The following GULP1 variants were observed in gnomAD, a reference collection of about 807,000 sequenced individuals.
GULP1 encodes the protein PTB domain-containing engulfment adapter protein 1.
GULP1 carries 19 observed loss-of-function variants against 40.9 expected under a neutral mutation model. The observed-to-expected ratio is 0.46, with a 90% CI of 0.32 to 0.68. The LOEUF is 0.68. Ranked by LOEUF, GULP1 falls within the 30% of genes least tolerant of loss-of-function variation. The probability of loss-of-function intolerance (pLI) is 0.03; values close to 1 mark genes in which losing one functional copy is unlikely to be tolerated. For missense variants in GULP1, 312 were observed against 362.2 expected (o/e 0.86, Z 1.12); for synonymous variants, 119 against 117.6 (o/e 1.01, Z -0.08).
intron 2 of GULP1, among the ~76,000 whole-genome samples, chr2:188,443,433 A>G (rs1486483887): frequency 6.6e-6 from 1 of 152,210 alleles, no homozygotes; most frequent in African/African-American, 2.4e-5. Context: ...AGGACTCCCT[A>G]TGGTATTTAA....
intron 2 of GULP1, among the ~76,000 whole-genome samples, chr2:188,422,926 G>A (rs917479983): frequency 7.9e-5 from 12 of 151,950 alleles, no homozygotes; most frequent in Non-Finnish European, 1.6e-4. Flanking sequence ...CTGCTCTTTC[G>A]GTTTCCAGAT....
At chr2:188,532,282 C>T (rs1687748293) in intron 6 of GULP1, among the ~76,000 whole-genome samples, 1 of 152,016 alleles carries the variant, frequency 6.6e-6, no homozygotes, top group Admixed American at 6.6e-5. Flanking sequence ...TAAATATTTA[C>T]AAAATACAAA....
chr2:188,325,340 C>T (rs1365492620), intron 1 of GULP1, among the ~76,000 whole-genome samples: 1 of 151,860 alleles, frequency 6.6e-6, no homozygotes, highest in Non-Finnish European at 1.5e-5. Context: ...TTTGAATATA[C>T]CAGAGTTATT....
chr2:188,472,180 T>C (rs1453014967), intron 2 of GULP1, among the ~76,000 whole-genome samples: 1 of 152,166 alleles, frequency 6.6e-6, no homozygotes, highest in African/African-American at 2.4e-5. Flanking sequence ...ATTTCCTTTC[T>C]TTTGTTGATT....
intron 2 of GULP1, among the ~76,000 whole-genome samples, chr2:188,394,512 T>G (rs2152565565): frequency 6.6e-6 from 1 of 152,274 alleles, no homozygotes; most frequent in African/African-American, 2.4e-5. Flanking sequence ...ATTTTGAATT[T>G]TTTATTTGGT....
At chr2:188,417,376 T>C (rs2054721328) in intron 2 of GULP1, among the ~76,000 whole-genome samples, 1 of 152,208 alleles carries the variant, frequency 6.6e-6, no homozygotes, top group Non-Finnish European at 1.5e-5. Context: ...GCAGAAGTTG[T>C]CTACCTATTC....
Position 188,531,946 on chromosome 2 carries a change from G to A in GULP1, c.261+2751G>A, listed in dbSNP as rs188507374. Among the ~76,000 whole-genome samples the A allele has an allele frequency of 2.8e-3, 425 of 152,264 alleles. 2 individuals are homozygous for A. Among genetic ancestry groups the A allele is most frequent in the African/African-American group, 9.8e-3 (409 of 41,566 alleles). ...GGTATTTGTAGGCCATGCTTATGTTGAAAGTTTTTTTCTACACCATATGAA... is the reference window on the plus strand; with the variant it reads ...GGTATTTGTAGGCCATGCTTATGTTAAAAGTTTTTTTCTACACCATATGAA... On this transcript the variant is annotated intron_variant, in intron 6 of 11. Coordinates refer to ENST00000409830, the MANE Select transcript of GULP1 (RefSeq NM_016315.4).
chr2:188,534,680 A>G (rs992548783), intron 6 of GULP1, among the ~76,000 whole-genome samples: 5 of 152,162 alleles, frequency 3.3e-5, no homozygotes, highest in African/African-American at 1.2e-4. Flanking sequence ...ACAAAACAAA[A>G]CAAAACAAAC....
chr2:188,444,430 C>T (rs143644498), intron 2 of GULP1, among the ~76,000 whole-genome samples: 5 of 152,214 alleles, frequency 3.3e-5, no homozygotes, highest in African/African-American at 1.2e-4. Context: ...ACAAATTATA[C>T]GACACTGGTC....
intron 2 of GULP1, among the ~76,000 whole-genome samples, chr2:188,417,529 G>C (rs896421559): frequency 6.6e-6 from 1 of 152,160 alleles, no homozygotes; most frequent in African/African-American, 2.4e-5. Flanking sequence ...AGAATGTCTA[G>C]AAAAGTGGTT....
At chr2:188,440,899 A>G (rs1332579035) in intron 2 of GULP1, among the ~76,000 whole-genome samples, 4 of 152,220 alleles carry the variant, frequency 2.6e-5, no homozygotes, top group African/African-American at 9.6e-5. Context: ...AATAAATCTT[A>G]TTAGTCAGTC....
At chr2:188,471,962 T>G (rs943131942) in intron 2 of GULP1, among the ~76,000 whole-genome samples, 2 of 152,236 alleles carry the variant, frequency 1.3e-5, no homozygotes, top group African/African-American at 4.8e-5. Context: ...CTCGTGTTGA[T>G]GAAATAACTC....
intron 1 of GULP1, among the ~76,000 whole-genome samples, chr2:188,307,614 C>T (rs1269683847): frequency 1.3e-5 from 2 of 152,106 alleles, no homozygotes; most frequent in Non-Finnish European, 2.9e-5. Flanking sequence ...TGTTGAAACA[C>T]ATTTAAGAAT....
At chr2:188,582,327 T>A (rs1234575255) in intron 9 of GULP1, 9 of 469,916 alleles carry the variant, frequency 1.9e-5, no homozygotes, top group Middle Eastern at 6.5e-4. Flanking sequence ...TCTTTTTCTG[T>A]CATTCCTTTA....
At chr2:188,315,649 A>G (rs2038953219) in intron 1 of GULP1, among the ~76,000 whole-genome samples, 1 of 152,136 alleles carries the variant, frequency 6.6e-6, no homozygotes, top group South Asian at 2.1e-4. Flanking sequence ...ACACGTTCCA[A>G]GATCCTCAGT....
intron 2 of GULP1, among the ~76,000 whole-genome samples, chr2:188,458,363 A>G (rs903708831): frequency 2.0e-5 from 3 of 152,098 alleles, no homozygotes; most frequent in African/African-American, 2.4e-5. Context: ...GTCTTAGTCT[A>G]TCTCACCCTC....
intron 2 of GULP1, among the ~76,000 whole-genome samples, chr2:188,441,070 C>A (rs962433912): frequency 1.0e-4 from 5 of 48,206 alleles, no homozygotes; most frequent in African/African-American, 4.0e-4. Context: ...TCTGCCGGGC[C>A]AGGTAGATAG....
intron 2 of GULP1, among the ~76,000 whole-genome samples, chr2:188,430,838 T>C (rs1239158638): frequency 6.6e-6 from 1 of 152,190 alleles, no homozygotes; most frequent in Non-Finnish European, 1.5e-5. Context: ...ATCTTCCTTG[T>C]TGGACTGTAG....
chr2:188,422,900 A>G (rs2055645959), intron 2 of GULP1, among the ~76,000 whole-genome samples: 1 of 152,122 alleles, frequency 6.6e-6, no homozygotes, highest in Admixed American at 6.6e-5. Context: ...CTCCTTGTAC[A>G]GCACTATTTA....
Sources: allele counts gnomAD v4.1 joint callset (sites outside exome capture counted in the v4.1 genomes callset), GRCh38; gene constraint gnomAD v4.1.1; transcripts MANE v1.5; gene names NCBI Gene and HGNC (gene_info 2026-07-23, HGNC 2026-07-21).